Variants in SLC39A14 observed in about 807,000 individuals in gnomAD.
SLC39A14 encodes the protein metal cation symporter ZIP14.
Under a neutral mutation model 45.5 loss-of-function variants are expected in SLC39A14, and 19 were observed. The ratio of observed to expected loss-of-function variants is 0.42; its 90% CI spans 0.29 to 0.61. The LOEUF (loss-of-function observed/expected upper bound fraction) is 0.61, where lower values mean the gene tolerates loss of function less well. Ranked by LOEUF, SLC39A14 falls within the 20% of genes least tolerant of loss-of-function variation. The probability of loss-of-function intolerance (pLI) is 0.22; values close to 1 mark genes in which losing one functional copy is unlikely to be tolerated. For synonymous variants in SLC39A14, 264 were observed against 251.3 expected, an observed-to-expected ratio of 1.05 and a Z score of -0.48; for missense variants, 447 against 616.5, an observed-to-expected ratio of 0.73 and a Z score of 2.91.
intron 1 of SLC39A14, among the ~76,000 whole-genome samples, chr8:22,371,414 CTTTTTTT>C (rs373230777): frequency 6.7e-5 from 8 of 120,082 alleles, no homozygotes; most frequent in African/African-American, 2.1e-4. Context: ...AAATACATGT[CTTTTTTT>C]TTTTTTTTTT....
rs758335484 is a variant in SLC39A14 at position 22,404,761 on chromosome 8, C to A, written c.51C>A (p.Thr17=). 3 of 1,613,830 alleles carry A rather than the reference C, an allele frequency of 1.9e-6. No homozygotes were observed. The highest frequency in any genetic ancestry group is 2.2e-5 in the South Asian group (2 of 91,078). Residue 17 remains threonine (T), a synonymous_variant, in exon 2 of 9, where the codon ACC becomes ACA. Transcript: ENST00000381237. The part of the protein sequence containing the change: ...HPAFQSCLLL[T]LLGLWRTTPE... ...CCTTCCAGAGCTGCCTCCTGCTGAC[C>A]CTGCTTGGCTTATGGAGAACCACCC...
intron 2 of SLC39A14, among the ~76,000 whole-genome samples, chr8:22,407,325 T>C (rs1835282006): frequency 6.6e-6 from 1 of 152,158 alleles, no homozygotes; most frequent in Admixed American, 6.5e-5. Flanking sequence ...GTACGAAGCT[T>C]GTATCTTCAG....
Position 22,420,571 on chromosome 8 carries a change from T to A in SLC39A14, c.*873T>A. On this transcript the variant is annotated 3_prime_UTR_variant, in exon 9 of 9. Transcript: ENST00000381237. The stretch of plus-strand genomic sequence containing the variant: ...TTGTAGCTGCCTCCTAGAAGCACAT[T>A]CTGAGCACATTTGAGACCTCTGTGT... 1.0e-6 allele frequency: 1 copy of A among 985,414 alleles called. No homozygotes were observed. Among genetic ancestry groups the A allele is most frequent in the East Asian group, 1.1e-4 (1 of 8,816 alleles). 61.0% of individuals were successfully genotyped at this position (985,414 alleles called of 1,614,324 possible). A position where few individuals can be genotyped will look rare whatever the true frequency, so the allele number is the denominator to read the frequency against.
intron 1 of SLC39A14, among the ~76,000 whole-genome samples, chr8:22,368,677 C>T (rs1832776236): frequency 6.6e-6 from 1 of 152,110 alleles, no homozygotes; most frequent in Non-Finnish European, 1.5e-5. Context: ...GCTGGGACTA[C>T]AGGCGCGTGC....
chr8:22,379,254 A>G (rs1833371111), intron 1 of SLC39A14, among the ~76,000 whole-genome samples: 1 of 152,114 alleles, frequency 6.6e-6, no homozygotes, highest in South Asian at 2.1e-4. Context: ...TCCGTAACTG[A>G]TTTTATCTGC....
At chr8:22,405,248 C>T (rs1013171467) in intron 2 of SLC39A14, among the ~76,000 whole-genome samples, 1 of 152,268 alleles carries the variant, frequency 6.6e-6, no homozygotes, top group African/African-American at 2.4e-5. Flanking sequence ...CACAGTGGCT[C>T]ACGCCTGTAA....
At chr8:22,379,368 G>A (rs1042693970) in intron 1 of SLC39A14, 3 of 152,220 alleles carry the variant, frequency 2.0e-5, no homozygotes, top group Admixed American at 1.3e-4. Context: ...GGGAAGTGTT[G>A]CTTACTAAAC....
intron 1 of SLC39A14, among the ~76,000 whole-genome samples, chr8:22,381,262 G>A (rs565822957): frequency 6.6e-6 from 1 of 151,518 alleles, no homozygotes; most frequent in African/African-American, 2.4e-5. Context: ...ATGAGCCACC[G>A]CGCCCAGCCC....
Position 22,383,652 on chromosome 8 carries a change from G to A in SLC39A14, c.-16+16244G>A, listed in dbSNP as rs141076809. Among the ~76,000 whole-genome samples the A allele has an allele frequency of 9.7e-3, 1,482 of 152,204 alleles. 6 individuals carry two copies. The highest frequency in any genetic ancestry group is 0.051 in the Middle Eastern group (15 of 292). On this transcript the variant is annotated intron_variant, in intron 1 of 8. Coordinates refer to ENST00000381237, the MANE Select transcript of SLC39A14 (RefSeq NM_001128431.4). Reference sequence around the variant, plus strand: ...GCCGTGCTGGCCTGCAGGGAGGCTGGCCCTGCTTTCCCTACCAGGAAACAG... The same window carrying A: ...GCCGTGCTGGCCTGCAGGGAGGCTGACCCTGCTTTCCCTACCAGGAAACAG...
chr8:22,381,585 A>C (rs1388583343), intron 1 of SLC39A14, among the ~76,000 whole-genome samples: 1 of 152,206 alleles, frequency 6.6e-6, no homozygotes, highest in African/African-American at 2.4e-5. Context: ...ATTTTTTTAA[A>C]TGCAAGAAAA....
chr8:22,431,840 A>G (rs371801458), intron 8 of SLC39A14, among the ~76,000 whole-genome samples: 7 of 152,346 alleles, frequency 4.6e-5, no homozygotes, highest in East Asian at 1.9e-4. Context: ...GTTAATGTCT[A>G]AAAACACCAC....
At chr8:22,389,287 G>A (rs1285031688) in intron 1 of SLC39A14, among the ~76,000 whole-genome samples, 2 of 152,238 alleles carry the variant, frequency 1.3e-5, no homozygotes, top group South Asian at 2.1e-4. Context: ...CAGTGATGCT[G>A]CTGTTCCAGC....
At chr8:22,414,589 G>T (rs1835764132) in intron 4 of SLC39A14, among the ~76,000 whole-genome samples, 191 bp from the exon 5 acceptor site, 1 of 152,178 alleles carries the variant, frequency 6.6e-6, no homozygotes, top group Non-Finnish European at 1.5e-5. Flanking sequence ...AACCTGGCAG[G>T]TTTAGTGATG....
intron 4 of SLC39A14, among the ~76,000 whole-genome samples, chr8:22,413,367 G>A (rs1835692117): frequency 6.6e-6 from 1 of 151,622 alleles, no homozygotes. Context: ...ACCTGCACAA[G>A]AGCGCATATC....
chr8:22,386,049 C>T (rs1289198665), intron 1 of SLC39A14, among the ~76,000 whole-genome samples: 1 of 151,972 alleles, frequency 6.6e-6, no homozygotes, highest in Admixed American at 6.6e-5. Flanking sequence ...ATGTGATTCT[C>T]CTGCCTCAGC....
chr8:22,395,712 T>C (rs1834346256), intron 1 of SLC39A14, among the ~76,000 whole-genome samples: 1 of 152,198 alleles, frequency 6.6e-6, no homozygotes, highest in Non-Finnish European at 1.5e-5. Flanking sequence ...GTGGAACTGA[T>C]GTTTTAATGA....
chr8:22,424,204 A>C (rs1836343808), downstream of SLC39A14, among the ~76,000 whole-genome samples: 1 of 152,166 alleles, frequency 6.6e-6, no homozygotes, highest in African/African-American at 2.4e-5. Context: ...ATAAACTTGA[A>C]ACTTGTAACG....
chr8:22,414,257 G>C (rs1012509937), intron 4 of SLC39A14, among the ~76,000 whole-genome samples: 1 of 152,136 alleles, frequency 6.6e-6, no homozygotes, highest in East Asian at 1.9e-4. Flanking sequence ...CCACTTTCTT[G>C]GTTCTGTGGT....
At chr8:22,371,766 A>C (rs1214794614) in intron 1 of SLC39A14, among the ~76,000 whole-genome samples, 1 of 124,192 alleles carries the variant, frequency 8.1e-6, no homozygotes. Flanking sequence ...TTTTTTTGAG[A>C]CGGAGCCTTG....
Sources: allele counts gnomAD v4.1 joint callset (sites outside exome capture counted in the v4.1 genomes callset), GRCh38; gene constraint gnomAD v4.1.1; transcripts MANE v1.5; gene names NCBI Gene and HGNC (gene_info 2026-07-23, HGNC 2026-07-21).